The following SOX6 variants were observed in gnomAD, a reference collection of about 807,000 sequenced individuals.
SOX6 encodes SRY-box transcription factor 6.
In SOX6, 11 loss-of-function variants were observed where a neutral mutation model predicts 97.8. That is an observed-to-expected ratio of 0.11 (90% CI 0.07 to 0.19). The LOEUF (loss-of-function observed/expected upper bound fraction) is 0.19, where lower values mean the gene tolerates loss of function less well. SOX6 is among the 10% of genes least tolerant of loss of function. The probability of loss-of-function intolerance (pLI) is 1.00; values close to 1 mark genes in which losing one functional copy is unlikely to be tolerated. For missense variants in SOX6, 810 were observed against 1,039.5 expected, an observed-to-expected ratio of 0.78 and a Z score of 3.04; for synonymous variants, 360 against 371.4, an observed-to-expected ratio of 0.97 and a Z score of 0.35.
At chr11:16,603,430 A>G (rs532414668) in intron 4 of SOX6, among the ~76,000 whole-genome samples, 2 of 152,280 alleles carry the variant, frequency 1.3e-5, no homozygotes, top group South Asian at 4.2e-4. Context: ...AGGCTTTCCC[A>G]CAGTGATCAC....
intron 13 of SOX6, among the ~76,000 whole-genome samples, chr11:16,005,196 A>T (rs1034452697): frequency 6.6e-6 from 1 of 152,012 alleles, no homozygotes; most frequent in Non-Finnish European, 1.5e-5. Context: ...TAAACCCATA[A>T]GTTAACTGAA....
intron 2 of SOX6, among the ~76,000 whole-genome samples, chr11:16,718,453 T>G (rs1368889552): frequency 6.6e-6 from 1 of 152,196 alleles, no homozygotes; most frequent in South Asian, 2.1e-4. Flanking sequence ...ACAGCTAAAA[T>G]AGCTAACAAG....
chr11:16,375,314 G>A (rs1857615912), intron 1 of SOX6, among the ~76,000 whole-genome samples: 1 of 151,966 alleles, frequency 6.6e-6, no homozygotes, highest in African/African-American at 2.4e-5. Flanking sequence ...CAGATTTTTT[G>A]CATCACTGAA....
chr11:16,449,503 A>G (rs1565149693), intron 1 of SOX6, among the ~76,000 whole-genome samples: 1 of 152,070 alleles, frequency 6.6e-6, no homozygotes, highest in Non-Finnish European at 1.5e-5. Flanking sequence ...CGTGTTAGCC[A>G]GGATGGTCTC....
At chr11:15,991,858 C>T (rs1406837775) in intron 13 of SOX6, among the ~76,000 whole-genome samples, 1 of 152,176 alleles carries the variant, frequency 6.6e-6, no homozygotes, top group Admixed American at 6.5e-5. Context: ...TATGCCCAAT[C>T]TCTCTCCCAC....
intron 3 of SOX6, among the ~76,000 whole-genome samples, chr11:16,246,228 T>A (rs1853331593): frequency 6.6e-6 from 1 of 151,640 alleles, no homozygotes; most frequent in East Asian, 1.9e-4. Context: ...TTCCATATGT[T>A]TTAAACCTCA....
chr11:16,351,803 T>C (rs560473463), intron 1 of SOX6, among the ~76,000 whole-genome samples: 25 of 152,218 alleles, frequency 1.6e-4, no homozygotes, highest in African/African-American at 6.0e-4. Context: ...ATATCACTCA[T>C]TCAACACTTA....
intron 6 of SOX6, among the ~76,000 whole-genome samples, chr11:16,179,033 C>T (rs1467435833): frequency 6.6e-6 from 1 of 151,766 alleles, no homozygotes; most frequent in Non-Finnish European, 1.5e-5. Flanking sequence ...TTAACTAGGT[C>T]AAGCAGGTCA....
intron 9 of SOX6, among the ~76,000 whole-genome samples, chr11:16,083,061 C>T (rs2133957837): frequency 6.6e-6 from 1 of 152,272 alleles, no homozygotes; most frequent in African/African-American, 2.4e-5. Flanking sequence ...ACCTGGGGAA[C>T]TTATACCTCC....
At chr11:16,429,359 T>C (rs1269681186) in intron 1 of SOX6, among the ~76,000 whole-genome samples, 1 of 152,134 alleles carries the variant, frequency 6.6e-6, no homozygotes, top group Non-Finnish European at 1.5e-5. Context: ...TGTTCTATTA[T>C]AAAGACACAT....
At chr11:16,627,247 A>G (rs547311092) in intron 3 of SOX6, among the ~76,000 whole-genome samples, 1 of 152,142 alleles carries the variant, frequency 6.6e-6, no homozygotes, top group South Asian at 2.1e-4. Flanking sequence ...GATTGGTTAC[A>G]TGTCTTTGTT....
At chr11:16,042,147 C>T (rs1271962322) in intron 12 of SOX6, among the ~76,000 whole-genome samples, 1 of 152,090 alleles carries the variant, frequency 6.6e-6, no homozygotes, top group Non-Finnish European at 1.5e-5. Flanking sequence ...AAATAATTTA[C>T]TTAAGTAACA....
At chr11:16,236,295 ATATATATTTT>A (rs1425281920) in intron 3 of SOX6, among the ~76,000 whole-genome samples, 15 of 151,950 alleles carry the variant, frequency 9.9e-5, no homozygotes, top group Non-Finnish European at 1.6e-4. Context: ...CAGAAATGAG[ATATATATTTT>A]GTTCTATACT....
At chr11:16,671,243 T>C (rs533280662) in intron 3 of SOX6, among the ~76,000 whole-genome samples, 35 of 152,340 alleles carry the variant, frequency 2.3e-4, no homozygotes, top group Non-Finnish European at 4.3e-4. Flanking sequence ...AAGAGTGTCA[T>C]ATGACCTCCA....
intron 1 of SOX6, among the ~76,000 whole-genome samples, chr11:16,348,880 C>T (rs1432486674): frequency 2.0e-5 from 3 of 152,046 alleles, no homozygotes; most frequent in Non-Finnish European, 4.4e-5. Context: ...GAAAATTCAT[C>T]TCATGAAAGT....
intron 1 of SOX6, among the ~76,000 whole-genome samples, chr11:16,439,294 A>T (rs755584369): frequency 6.6e-6 from 1 of 152,144 alleles, no homozygotes; most frequent in Non-Finnish European, 1.5e-5. Context: ...CTCCAAATAC[A>T]ATTCTATTTC....
intron 3 of SOX6, among the ~76,000 whole-genome samples, chr11:16,701,559 C>T (rs1848093481): frequency 6.6e-6 from 1 of 152,014 alleles, no homozygotes; most frequent in Non-Finnish European, 1.5e-5. Flanking sequence ...CTTTCCTTCA[C>T]CTCCTAATTC....
At chr11:16,088,936 C>G (rs561056550) in intron 9 of SOX6, among the ~76,000 whole-genome samples, 10 of 152,180 alleles carry the variant, frequency 6.6e-5, no homozygotes, top group African/African-American at 2.4e-4. Context: ...TGTTTTAGTT[C>G]ATACCATTCA....
At chr11:16,228,133 G>C (rs1056338400) in intron 4 of SOX6, among the ~76,000 whole-genome samples, 1 of 151,844 alleles carries the variant, frequency 6.6e-6, no homozygotes, top group African/African-American at 2.4e-5. Context: ...GGGAGGCAGA[G>C]GTTGCAGTGA....
Sources: gnomAD v4.1 joint callset for allele counts (sites outside exome capture counted in the v4.1 genomes callset) on GRCh38, gnomAD v4.1.1 for gene constraint, MANE v1.5 for transcripts, NCBI Gene and HGNC (gene_info 2026-07-23, HGNC 2026-07-21) for gene names.